Variants in SERGEF observed in about 807,000 individuals in gnomAD.
SERGEF encodes the protein secretion regulating guanine nucleotide exchange factor.
SERGEF carries 51 observed loss-of-function variants against 50.0 expected under a neutral mutation model. The ratio of observed to expected loss-of-function variants is 1.02; its 90% confidence interval spans 0.81 to 1.29. The LOEUF (loss-of-function observed/expected upper bound fraction) is 1.29. Among genes scored for constraint, SERGEF ranks in the 50% most tolerant of loss-of-function variants. SERGEF has a pLI of 0.00. For synonymous variants in SERGEF, 205 were observed against 212.4 expected, an observed-to-expected ratio of 0.97 and a Z score of 0.30; for missense variants, 521 against 557.0, an observed-to-expected ratio of 0.94 and a Z score of 0.65.
Position 17,988,731 on chromosome 11 carries a change from C to T in SERGEF, c.710G>A (p.Gly237Glu), listed in dbSNP as rs1321221035. The change falls in exon 8 of 11, where the codon GGA becomes GAA. Residue 237 changes from glycine to glutamate, a missense_variant. Transcript: ENST00000265965. Reference sequence around the variant, plus strand: ...AGCCAGTTGCCCATGCTTGTTGCTTCCCCAAACATACACCTCTCCTGCATC... The same window carrying T: ...AGCCAGTTGCCCATGCTTGTTGCTTTCCCAAACATACACCTCTCCTGCATC... The part of the protein sequence containing the change: ...LTDAGEVYVW[G>E]SNKHGQLANE... The T allele has an allele frequency of 1.2e-6, 2 of 1,614,006 alleles. No individual in the cohort carries two copies. Among genetic ancestry groups the T allele is most frequent in the African/African-American group, 2.7e-5 (2 of 75,018 alleles).
intron 10 of SERGEF, among the ~76,000 whole-genome samples, chr11:17,837,074 T>C (rs1349707688): frequency 6.6e-6 from 1 of 152,138 alleles, no homozygotes; most frequent in Non-Finnish European, 1.5e-5. Context: ...CCCTCAAATT[T>C]ATGGAGGTAC....
chr11:17,846,069 C>T (rs1425139258), intron 10 of SERGEF, among the ~76,000 whole-genome samples: 2 of 152,198 alleles, frequency 1.3e-5, no homozygotes, highest in South Asian at 4.1e-4. Flanking sequence ...ACTGAAGCCA[C>T]AGACTGCTTC....
In SERGEF at chr11:17,907,546, C is replaced by T. The variant is rs78983017; in HGVS notation, c.1012-29302G>A. Among the ~76,000 whole-genome samples, 1,316 of 152,340 alleles carry T rather than the reference C, an allele frequency of 8.6e-3. 6 individuals are homozygous for T. The highest frequency in any genetic ancestry group is 0.014 in the Non-Finnish European group (921 of 68,036). On this transcript the variant is annotated intron_variant, in intron 9 of 10. Coordinates refer to ENST00000265965, the MANE Select transcript of SERGEF (RefSeq NM_012139.4). The stretch of plus-strand genomic sequence containing the variant: ...CTATTCTAAAAATGTAAGGCAGATA[C>T]TTGCCTCCTCTTTCTTTTGAGATAG...
intron 9 of SERGEF, among the ~76,000 whole-genome samples, chr11:17,939,259 A>C (rs1459203768): frequency 6.6e-6 from 1 of 152,220 alleles, no homozygotes; most frequent in Non-Finnish European, 1.5e-5. Flanking sequence ...GAAAAGCATT[A>C]ATAGTAAACA....
chr11:17,919,664 C>T (rs1565204894), intron 9 of SERGEF, among the ~76,000 whole-genome samples: 1 of 152,124 alleles, frequency 6.6e-6, no homozygotes, highest in Non-Finnish European at 1.5e-5. Flanking sequence ...TTATTCTCCC[C>T]CATACTCACT....
At chr11:17,938,560 C>G (rs1852499587) in intron 9 of SERGEF, among the ~76,000 whole-genome samples, 2 of 152,096 alleles carry the variant, frequency 1.3e-5, no homozygotes, top group Non-Finnish European at 2.9e-5. Flanking sequence ...CCCCAGACCC[C>G]TGATATTAGG....
At chr11:17,859,402 GA>G (rs755592419) in intron 10 of SERGEF, among the ~76,000 whole-genome samples, 7 of 151,864 alleles carry the variant, frequency 4.6e-5, no homozygotes, top group Non-Finnish European at 1.0e-4. Flanking sequence ...AAAGTGGTAA[GA>G]AAAGTAAAAA....
intron 9 of SERGEF, among the ~76,000 whole-genome samples, chr11:17,933,731 C>T (rs1852397803): frequency 6.7e-6 from 1 of 150,246 alleles, no homozygotes; most frequent in African/African-American, 2.5e-5. Context: ...AAAAAAAATG[C>T]TGTTTTAAGT....
chr11:17,963,379 A>AG (rs1478490062), intron 8 of SERGEF, among the ~76,000 whole-genome samples: 24 of 147,070 alleles, frequency 1.6e-4, no homozygotes, highest in Non-Finnish European at 3.0e-4. Flanking sequence ...AAAAAAAAAA[A>AG]AAAAAAAAAA....
intron 9 of SERGEF, among the ~76,000 whole-genome samples, chr11:17,958,882 CAG>C (rs543621588): frequency 1.5e-4 from 23 of 152,102 alleles, no homozygotes; most frequent in Middle Eastern, 3.4e-3. Flanking sequence ...GTTTTTGAGA[CAG>C]AGTCTTGCTC....
chr11:17,934,441 C>A (rs1390395629), intron 9 of SERGEF, among the ~76,000 whole-genome samples: 1 of 152,166 alleles, frequency 6.6e-6, no homozygotes. Context: ...AAAAAAGAAA[C>A]TGCCTATGTC....
intron 7 of SERGEF, among the ~76,000 whole-genome samples, chr11:17,992,317 A>G (rs484616): frequency 1.3e-5 from 2 of 151,976 alleles, no homozygotes; most frequent in African/African-American, 4.8e-5. Context: ...AAATAGATAC[A>G]TAGGTAAACA....
intron 10 of SERGEF, among the ~76,000 whole-genome samples, chr11:17,834,551 TA>T (rs1850368536): frequency 6.6e-6 from 1 of 152,192 alleles, no homozygotes; most frequent in African/African-American, 2.4e-5. Context: ...CCCATAGAAT[TA>T]AATATATAAA....
chr11:17,820,214 C>T (rs1161106844), intron 10 of SERGEF, among the ~76,000 whole-genome samples: 1 of 152,082 alleles, frequency 6.6e-6, no homozygotes, highest in African/African-American at 2.4e-5. Context: ...CTCCAAGCCC[C>T]TTCTCTTCAT....
chr11:17,815,329 T>G (rs1056990716), intron 10 of SERGEF, among the ~76,000 whole-genome samples: 4 of 151,482 alleles, frequency 2.6e-5, no homozygotes, highest in African/African-American at 9.7e-5. Flanking sequence ...CCGGGCATGG[T>G]GGCTCACGCC....
chr11:17,917,041 T>C (rs2071991752), intron 9 of SERGEF, among the ~76,000 whole-genome samples: 1 of 152,226 alleles, frequency 6.6e-6, no homozygotes, highest in Admixed American at 6.5e-5. Flanking sequence ...AGAACTACCA[T>C]TTGATCCAGC....
At chr11:17,858,170 T>A (rs1409464137) in intron 10 of SERGEF, among the ~76,000 whole-genome samples, 2 of 152,166 alleles carry the variant, frequency 1.3e-5, no homozygotes, top group Non-Finnish European at 2.9e-5. Context: ...GAAAGTATAT[T>A]TATGGGGGGT....
intron 9 of SERGEF, among the ~76,000 whole-genome samples, chr11:17,935,455 G>A (rs1852432892): frequency 6.6e-6 from 1 of 151,814 alleles, no homozygotes; most frequent in African/African-American, 2.4e-5. Context: ...GGAAACAGAG[G>A]GAGACAAAAC....
In SERGEF at chr11:17,888,828, A is replaced by AT. The variant is rs1851482071; in HGVS notation, c.1012-10585dup. Among the ~76,000 whole-genome samples the AT allele has an allele frequency of 6.6e-6, 1 of 152,170 alleles. No homozygotes were observed. The highest frequency in any genetic ancestry group is 2.4e-5 in the African/African-American group (1 of 41,450). ...AGAAAAGGCTGATTCTAGGGTTGGGATGAGGAAAGAACAGTTTGAGCCTGG... is the reference window on the plus strand; with the variant it reads ...AGAAAAGGCTGATTCTAGGGTTGGGATTGAGGAAAGAACAGTTTGAGCCTGG... On this transcript the variant is annotated intron_variant, in intron 9 of 10. Coordinates refer to ENST00000265965, the MANE Select transcript of SERGEF (RefSeq NM_012139.4). This position sits in a 1 kb window ranked among gnomAD's most constrained non-coding sequence, Gnocchi z 4.1.
Sources: allele counts gnomAD v4.1 joint callset (sites outside exome capture counted in the v4.1 genomes callset), GRCh38; gene constraint gnomAD v4.1.1; non-coding constraint Gnocchi (gnomAD v3.1); transcripts MANE v1.5; gene names NCBI Gene and HGNC (gene_info 2026-07-23, HGNC 2026-07-21).